Variants in PIWIL1 observed in about 807,000 individuals in gnomAD.
The protein encoded by PIWIL1 is piwi like RNA-mediated gene silencing 1.
In PIWIL1, 73 loss-of-function variants were observed where a neutral mutation model predicts 114.4. The ratio of observed to expected loss-of-function variants is 0.64; its 90% CI spans 0.53 to 0.78. The LOEUF (loss-of-function observed/expected upper bound fraction) is 0.78, where lower values mean the gene tolerates loss of function less well. Ranked by LOEUF, PIWIL1 falls within the 30% of genes least tolerant of loss-of-function variation. The pLI is 0.00. For missense variants in PIWIL1, 723 were observed against 1,063.1 expected (o/e 0.68, Z 4.45); for synonymous variants, 375 against 369.0 (o/e 1.02, Z -0.19).
At chr12:130,389,350 TTTATATAA>T in the PIWIL1 span, among the ~76,000 whole-genome samples, 6 of 152,168 alleles carry the variant, frequency 3.9e-5, no homozygotes, top group South Asian at 6.2e-4. Context: ...TTTGGAAGGG[TTTATATAA>T]GATTGGGGTG....
At chr12:130,421,689 A>ATGTGTGTGTGTGTG in the PIWIL1 span, among the ~76,000 whole-genome samples, 1,429 of 106,920 alleles carry the variant, frequency 0.013, 13 homozygotes, top group Admixed American at 0.022. Flanking sequence ...CCCTGCATTT[A>ATGTGTGTGTGTGTG]TATGTGTGTG....
Position 130,364,634 on chromosome 12 carries a change from T to C in PIWIL1, c.2195+1490T>C, listed in dbSNP as rs549829374. On this transcript the variant is annotated intron_variant, in intron 18 of 20. Coordinates refer to ENST00000245255, the MANE Select transcript of PIWIL1 (RefSeq NM_004764.5). ...TCCCTTAAGACTCTTAATGCTTATA[T>C]TTTGTCAAATAATGATACTTTGTTT... Among the ~76,000 whole-genome samples, 276 of 152,340 alleles carry C rather than the reference T, an allele frequency of 1.8e-3. 3 individuals carry two copies. The highest frequency in any genetic ancestry group is 6.8e-3 in the Middle Eastern group (2 of 294).
the PIWIL1 span, chr12:130,406,316 T>G: frequency 1.0e-6 from 1 of 974,498 alleles, no homozygotes; most frequent in Non-Finnish European, 1.6e-6. Flanking sequence ...ATAAGTTCTC[T>G]ATGCTTTCCC....
At chr12:130,345,059 A>G (rs2073036048) in intron 3 of PIWIL1, among the ~76,000 whole-genome samples, 1 of 152,206 alleles carries the variant, frequency 6.6e-6, no homozygotes, top group Non-Finnish European at 1.5e-5. Context: ...TTTTTGGCTC[A>G]CATCAGATTG....
At chr12:130,357,576 G>C (rs1249138613) in intron 14 of PIWIL1, 23 bp downstream of exon 14, 9 of 1,517,472 alleles carry the variant, frequency 5.9e-6, no homozygotes, top group Middle Eastern at 3.4e-4. Context: ...TTGACATATA[G>C]GCAGTTTTCG....
the PIWIL1 span, chr12:130,412,859 G>A: frequency 7.4e-7 from 1 of 1,349,680 alleles, no homozygotes; most frequent in Non-Finnish European, 1.0e-6. Context: ...CCCACTGACG[G>A]TAAGTGAGTG....
chr12:130,354,669 G>A lies in PIWIL1; in HGVS notation c.1171+6G>A. 1 of 1,564,506 alleles carries A rather than the reference G, an allele frequency of 6.4e-7. No individual in the cohort carries two copies. Among genetic ancestry groups the A allele is most frequent in the Non-Finnish European group, 8.6e-7 (1 of 1,158,798 alleles). On this transcript the variant is annotated splice_donor_region_variant and intron_variant, in intron 10 of 20. Transcript: ENST00000245255. ...TGAGCTCTGCTATCTTACAGGTACTGTTGCATTTCATTTACTCGGAAGGAA... is the reference window on the plus strand; with the variant it reads ...TGAGCTCTGCTATCTTACAGGTACTATTGCATTTCATTTACTCGGAAGGAA...
the PIWIL1 span, among the ~76,000 whole-genome samples, chr12:130,409,993 G>A: frequency 6.6e-6 from 1 of 152,230 alleles, no homozygotes; most frequent in African/African-American, 2.4e-5. Flanking sequence ...GAGCGGTGAT[G>A]CCATTTTCCA....
the PIWIL1 span, among the ~76,000 whole-genome samples, chr12:130,400,034 A>G: frequency 2.6e-5 from 4 of 152,160 alleles, no homozygotes; most frequent in Non-Finnish European, 4.4e-5. Flanking sequence ...TCTCCTGTTC[A>G]GTGAGGAGCT....
chr12:130,388,238 C>G, the PIWIL1 span, among the ~76,000 whole-genome samples: 1 of 152,134 alleles, frequency 6.6e-6, no homozygotes, highest in African/African-American at 2.4e-5. Context: ...CTCAGCCTCC[C>G]GAGTAGCTGG....
chr12:130,408,130 A>C, the PIWIL1 span, among the ~76,000 whole-genome samples: 426 of 152,330 alleles, frequency 2.8e-3, 3 homozygotes, highest in African/African-American at 9.5e-3. Context: ...GGGCTCTCGA[A>C]CAGCAAATTT....
At chr12:130,394,237 T>C in the PIWIL1 span, among the ~76,000 whole-genome samples, 1 of 152,222 alleles carries the variant, frequency 6.6e-6, no homozygotes, top group Non-Finnish European at 1.5e-5. Flanking sequence ...ATAAGCTCCA[T>C]ATACTGTTTG....
chr12:130,383,678 C>T, the PIWIL1 span: 4 of 152,290 alleles, frequency 2.6e-5, no homozygotes, highest in African/African-American at 7.2e-5. Flanking sequence ...GCTAAATAGA[C>T]CAGCCCCTGG....
intron 3 of PIWIL1, 184 bp from the exon 4 acceptor site, chr12:130,345,569 A>G (rs2073047736): frequency 6.9e-6 from 4 of 578,556 alleles, no homozygotes; most frequent in East Asian, 3.1e-5. Flanking sequence ...GAATGAAGTT[A>G]TAACTAGGAA....
At chr12:130,373,800 C>T (rs80051572), downstream of PIWIL1, among the ~76,000 whole-genome samples, 3,932 of 152,192 alleles carry the variant, frequency 0.026, 57 homozygotes, top group Middle Eastern at 0.048. Context: ...TTGCATGCGG[C>T]GACAGAGACT....
At chr12:130,348,387 A>C (rs539350866) in intron 7 of PIWIL1, among the ~76,000 whole-genome samples, 1 of 152,316 alleles carries the variant, frequency 6.6e-6, no homozygotes, top group South Asian at 2.1e-4. Flanking sequence ...GTCACTAGGG[A>C]AGAATACATA....
intron 19 of PIWIL1, among the ~76,000 whole-genome samples, chr12:130,367,725 G>A (rs73450269): frequency 0.065 from 9,936 of 152,254 alleles, 405 homozygotes; most frequent in South Asian, 0.19. Flanking sequence ...AATGCCAGCC[G>A]GAGCTTACAG....
At chr12:130,367,301 G>A (rs138493946) in intron 19 of PIWIL1, 43 bp downstream of exon 19, 27,837 of 1,575,786 alleles carry the variant, frequency 0.018, 316 homozygotes, top group Non-Finnish European at 0.022. Context: ...TCTCCTTGGT[G>A]GTGGTTTCTT....
chr12:130,402,424 C>G, the PIWIL1 span, among the ~76,000 whole-genome samples: 1 of 152,144 alleles, frequency 6.6e-6, no homozygotes, highest in African/African-American at 2.4e-5. Context: ...CTGCCTTCCC[C>G]TGGTACTGAC....
Sources: gnomAD v4.1 joint callset for allele counts (sites outside exome capture counted in the v4.1 genomes callset) on GRCh38, gnomAD v4.1.1 for gene constraint, MANE v1.5 for transcripts, NCBI Gene and HGNC (gene_info 2026-07-23, HGNC 2026-07-21) for gene names.